ZNF83: variants seen among roughly 807,000 people sequenced by gnomAD.
The protein encoded by ZNF83 is zinc finger protein 816B.
For synonymous variants in ZNF83, 209 were observed against 213.0 expected (o/e 0.98, Z 0.17); for missense variants, 552 against 629.9 (o/e 0.88, Z 1.32).
intron 2 of ZNF83, among the ~76,000 whole-genome samples, chr19:52,615,337 C>A: frequency 1.2e-5 from 1 of 80,430 alleles, no homozygotes; most frequent in African/African-American, 5.9e-5. Context: ...AACAATTAGG[C>A]CATGAGGAGG....
upstream of ZNF83, among the ~76,000 whole-genome samples, chr19:52,639,053 T>G (rs1425436230): frequency 2.6e-5 from 4 of 152,196 alleles, no homozygotes; most frequent in African/African-American, 9.7e-5. Flanking sequence ...CTTTTCCACG[T>G]GGATATCCAG....
In ZNF83 at chr19:52,635,053, A is replaced by C. The variant is rs1171324420; in HGVS notation, c.-234+13T>G. 1.4e-6 allele frequency: 1 copy of C among 736,704 alleles called. No individual in the cohort carries two copies. The highest frequency in any genetic ancestry group is 2.5e-6 in the Non-Finnish European group (1 of 403,006). The allele number at this position is 736,704 out of a possible 1,614,324, so 45.6% of individuals were successfully genotyped here. A position where few individuals can be genotyped will look rare whatever the true frequency, so the allele number is the denominator to read the frequency against. On this transcript the variant is annotated intron_variant, in intron 2 of 2. Transcript: ENST00000301096. ...GAAAGAGACAGAACAATCCACCGAG[A>C]ATATCATCTCACCTGAGGAAGAACC...
intron 1 of ZNF83, among the ~76,000 whole-genome samples, chr19:52,670,333 C>T (rs1463923614): frequency 6.6e-6 from 1 of 152,198 alleles, no homozygotes; most frequent in Non-Finnish European, 1.5e-5. Flanking sequence ...TTAGATTAGC[C>T]TGTGTGGTCT....
chr19:52,632,974 A>C (rs915911899), intron 2 of ZNF83, among the ~76,000 whole-genome samples: 5 of 152,060 alleles, frequency 3.3e-5, no homozygotes, highest in Non-Finnish European at 7.4e-5. Flanking sequence ...TACCACCCCC[A>C]AAAATTTTCA....
intron 3 of ZNF83, among the ~76,000 whole-genome samples, chr19:52,654,602 A>G (rs916250230): frequency 2.0e-5 from 3 of 152,176 alleles, no homozygotes; most frequent in Non-Finnish European, 4.4e-5. Context: ...CTGTAATCCC[A>G]GCTACTCAGG....
chr19:52,655,638 C>T (rs1195218554), exon 3 of ZNF83: 1 of 1,426,488 alleles, frequency 7.0e-7, no homozygotes, highest in Non-Finnish European at 9.9e-7. Flanking sequence ...CAGGCATTTC[C>T]ACTCCTCCAA....
chr19:52,652,781 T>G (rs2061458830), intron 3 of ZNF83: 1 of 848,132 alleles, frequency 1.2e-6, no homozygotes, highest in African/African-American at 1.7e-5. Context: ...GACTGCCCAC[T>G]AAAGGCTTTG....
chr19:52,689,950 G>T (rs1160865343), intron 1 of ZNF83, among the ~76,000 whole-genome samples: 1 of 152,144 alleles, frequency 6.6e-6, no homozygotes, highest in African/African-American at 2.4e-5. Flanking sequence ...CTGGGGAGCA[G>T]CAGGGCCCGG....
chr19:52,627,657 A>C (rs183067338), intron 2 of ZNF83, among the ~76,000 whole-genome samples: 5 of 152,270 alleles, frequency 3.3e-5, no homozygotes, highest in East Asian at 1.9e-4. Context: ...TCTCAACTAA[A>C]TAAATAAATA....
intron 1 of ZNF83, among the ~76,000 whole-genome samples, chr19:52,668,242 C>T (rs2061680397): frequency 6.6e-6 from 1 of 152,154 alleles, no homozygotes; most frequent in Non-Finnish European, 1.5e-5. Context: ...TCTTGTGCTG[C>T]TAACCACTGA....
exon 3 of ZNF83, chr19:52,613,439 C>A (rs1247773386): frequency 6.2e-7 from 1 of 1,613,274 alleles, no homozygotes; most frequent in Non-Finnish European, 8.5e-7. Context: ...TCACATTCAT[C>A]ACACTTATAA....
At chr19:52,625,068 C>T (rs898810693) in intron 2 of ZNF83, among the ~76,000 whole-genome samples, 1 of 151,864 alleles carries the variant, frequency 6.6e-6, no homozygotes, top group Non-Finnish European at 1.5e-5. Context: ...TCATCCTGAT[C>T]ACATTTGGTT....
chr19:52,626,677 C>T (rs1044587693), intron 2 of ZNF83, among the ~76,000 whole-genome samples: 4 of 151,872 alleles, frequency 2.6e-5, no homozygotes, highest in Admixed American at 6.6e-5. Context: ...CCCCACAGTA[C>T]CATCCCCCGC....
At chr19:52,619,488 T>C (rs1055868180) in intron 2 of ZNF83, among the ~76,000 whole-genome samples, 2 of 152,036 alleles carry the variant, frequency 1.3e-5, no homozygotes, top group African/African-American at 2.4e-5. Context: ...TAGCTGGATG[T>C]GGTGGTAGAT....
intron 1 of ZNF83, among the ~76,000 whole-genome samples, chr19:52,685,538 G>A (rs894141817): frequency 6.6e-6 from 1 of 152,050 alleles, no homozygotes; most frequent in Non-Finnish European, 1.5e-5. Flanking sequence ...CACAGTAATT[G>A]ACCTTGAAAA....
intron 2 of ZNF83, among the ~76,000 whole-genome samples, chr19:52,628,397 T>C (rs920061471): frequency 6.6e-6 from 1 of 152,120 alleles, no homozygotes; most frequent in African/African-American, 2.4e-5. Flanking sequence ...TCAACCTCTG[T>C]CTCCTTTCAA....
chr19:52,612,659 T>C, exon 3 of ZNF83: 1 of 237,226 alleles, frequency 4.2e-6, no homozygotes, highest in Non-Finnish European at 8.1e-6. Context: ...TGATGAATGT[T>C]TGAAGTCATA....
intron 1 of ZNF83, among the ~76,000 whole-genome samples, chr19:52,664,580 T>C (rs2061622848): frequency 6.6e-6 from 1 of 152,208 alleles, no homozygotes; most frequent in African/African-American, 2.4e-5. Flanking sequence ...AACTTTTAAG[T>C]CCACGCCATC....
chr19:52,646,179 A>G (rs990411248), intron 3 of ZNF83, among the ~76,000 whole-genome samples: 2 of 152,110 alleles, frequency 1.3e-5, no homozygotes, highest in Admixed American at 1.3e-4. Flanking sequence ...ACCTTAGGTG[A>G]CCTGCTCATC....
Sources: allele counts gnomAD v4.1 joint callset (sites outside exome capture counted in the v4.1 genomes callset), GRCh38; gene constraint gnomAD v4.1.1; transcripts MANE v1.5; gene names NCBI Gene and HGNC (gene_info 2026-07-23, HGNC 2026-07-21).